Variants in MYO7A observed in about 807,000 individuals in gnomAD.
MYO7A encodes myosin VIIA, also known as unconventional myosin-VIIa.
In MYO7A, 210 loss-of-function variants were observed where a neutral mutation model predicts 263.8. The ratio of observed to expected loss-of-function variants is 0.80; its 90% confidence interval spans 0.71 to 0.89. MYO7A has a LOEUF of 0.89. Ranked by LOEUF, MYO7A falls within the 40% of genes least tolerant of loss-of-function variation. The pLI is 0.00. For missense variants in MYO7A, 2,820 were observed against 2,968.3 expected (o/e 0.95, Z 1.16); for synonymous variants, 1,239 against 1,197.3 (o/e 1.03, Z -0.72).
chr11:77,202,967 G>GGGAT (rs1473692618), intron 37 of MYO7A, 93 bp from the exon 38 acceptor site: 1 of 1,462,834 alleles, frequency 6.8e-7, no homozygotes, highest in Admixed American at 2.0e-5. Context: ...TCTGGACACA[G>GGGAT]GGATGGGTGG....
At position 77,203,058 on chromosome 11, in the gene MYO7A, A is replaced by G. The variant is rs2135712224; in HGVS notation, c.5169-2A>G. 1 of 1,547,826 alleles carries G rather than the reference A, an allele frequency of 6.5e-7. No individual in the cohort carries two copies. The highest frequency in any genetic ancestry group is 8.7e-7 in the Non-Finnish European group (1 of 1,146,558). ...TTGCTGACGGTCCCTGTGCTGCGGC[A>G]GGCCCCCACCCAAGCACACGCTGAG... On this transcript the variant is annotated splice_acceptor_variant, in intron 37 of 48. Transcript: ENST00000409709. LOFTEE classifies it high-confidence loss of function.
chr11:77,180,419 G>A lies in MYO7A; in HGVS notation c.2632G>A (p.Glu878Lys). 1 of 1,612,282 alleles carries A rather than the reference G, an allele frequency of 6.2e-7. No individual in the cohort carries two copies. Among genetic ancestry groups the A allele is most frequent in the Non-Finnish European group, 8.5e-7 (1 of 1,179,730 alleles). Reference sequence around the variant, plus strand: ...TGAGAAAATGCGGCTGGCGGAGGAAGAGAAGCTTCGGAAGGAGATGAGCGC... The same window carrying A: ...TGAGAAAATGCGGCTGGCGGAGGAAAAGAAGCTTCGGAAGGAGATGAGCGC... Reference protein sequence around the residue: ...EAEKMRLAEEEKLRKEMSAKK... With the variant: ...EAEKMRLAEEKKLRKEMSAKK... Residue 878 changes from glutamate to lysine, a missense_variant, in exon 22 of 49, where the codon GAG (glutamate) becomes AAG (lysine). By Grantham distance (56) the Glu-to-Lys change is moderately conservative (BLOSUM62 1). Coordinates refer to ENST00000409709, the MANE Select transcript of MYO7A (RefSeq NM_000260.4).
At chr11:77,151,946 C>T (rs1952006541) in intron 4 of MYO7A, among the ~76,000 whole-genome samples, 1 of 152,168 alleles carries the variant, frequency 6.6e-6, no homozygotes, top group African/African-American at 2.4e-5. Context: ...GTTCACCCTA[C>T]CCCCCACACA....
intron 16 of MYO7A, among the ~76,000 whole-genome samples, chr11:77,173,194 G>A (rs1954292621): frequency 6.6e-6 from 1 of 152,230 alleles, no homozygotes; most frequent in Admixed American, 6.5e-5. Flanking sequence ...AAACGGGACT[G>A]ACCGTATCTA....
At chr11:77,195,672 T>G (rs1408304798) in intron 32 of MYO7A, among the ~76,000 whole-genome samples, 1 of 152,128 alleles carries the variant, frequency 6.6e-6, no homozygotes, top group Non-Finnish European at 1.5e-5. Flanking sequence ...CTGAGCTGGG[T>G]CTCTCCTGGA....
At chr11:77,201,222 C>T (rs1014990946) in intron 35 of MYO7A, among the ~76,000 whole-genome samples, 4 of 152,158 alleles carry the variant, frequency 2.6e-5, no homozygotes, top group African/African-American at 4.8e-5. Context: ...CACAACAGGC[C>T]CAGGAGTGTG....
At chr11:77,181,779 G>GTTTTTTTTTTTTTTTTTTTTT (rs782689084) in intron 23 of MYO7A, among the ~76,000 whole-genome samples, 172 bp from the exon 24 acceptor site, 2 of 90,052 alleles carry the variant, frequency 2.2e-5, no homozygotes, top group Non-Finnish European at 4.7e-5. Flanking sequence ...TTTTTTTTTT[G>GTTTTTTTTTTTTTTTTTTTTT]TTTTTTTTTT....
rs1335412177 is a variant in MYO7A, at chr11:77,211,256, C to T, written c.6156C>T (p.Tyr2052=). 2.5e-6 allele frequency: 4 copies of T among 1,581,940 alleles called. No individual in the cohort carries two copies. The highest frequency in any genetic ancestry group is 2.3e-5 in the East Asian group (1 of 43,090). Reference sequence around the variant, plus strand: ...TCAAGTTCGAGGAGGACAAGTCCTACTTCCCCAGCATCCCCAAGCTGCTGC... The same window carrying T: ...TCAAGTTCGAGGAGGACAAGTCCTATTTCCCCAGCATCCCCAAGCTGCTGC... ...YRVKFEEDKS[Y]FPSIPKLLRE... is the part of the protein sequence containing the mutation. Residue 2052 remains tyrosine (Y), a synonymous_variant, in exon 45 of 49, where the codon TAC becomes TAT. Coordinates refer to ENST00000409709, the MANE Select transcript of MYO7A (RefSeq NM_000260.4).
rs1226924611 is a variant in MYO7A, at chr11:77,207,284, C to G, written c.5743-5C>G. On this transcript the variant is annotated splice_polypyrimidine_tract_variant and splice_region_variant and intron_variant, in intron 41 of 48. Transcript: ENST00000409709. Reference sequence around the variant, plus strand: ...CAGGAGCCCAGTGCTCACTGCCCCTCCCAGGCCTTCGAAGTGGAGTCCAGC... The same window carrying G: ...CAGGAGCCCAGTGCTCACTGCCCCTGCCAGGCCTTCGAAGTGGAGTCCAGC... 6.2e-7 allele frequency: 1 copy of G among 1,604,694 alleles called. No individual in the cohort carries two copies. The highest frequency in any genetic ancestry group is 1.7e-5 in the Admixed American group (1 of 59,106).
At chr11:77,137,536 G>T (rs940330642) in intron 2 of MYO7A, among the ~76,000 whole-genome samples, 25 of 152,208 alleles carry the variant, frequency 1.6e-4, no homozygotes, top group Admixed American at 1.2e-3. Context: ...GAATGGGAGA[G>T]GAGTCACAGG....
chr11:77,172,961 G>A, intron 16 of MYO7A, 76 bp downstream of exon 16: 1 of 1,481,730 alleles, frequency 6.7e-7, no homozygotes, highest in Non-Finnish European at 9.1e-7. Flanking sequence ...ATAAGGTAGG[G>A]TGGGAGTGAA....
At chr11:77,190,986 C>T in intron 30 of MYO7A, 116 bp downstream of exon 30, 1 of 1,197,964 alleles carries the variant, frequency 8.3e-7, no homozygotes, top group Non-Finnish European at 1.1e-6. Flanking sequence ...CTCGGTTTCC[C>T]CCTGAGCCTG....
intron 2 of MYO7A, among the ~76,000 whole-genome samples, chr11:77,131,376 G>A (rs1950761287): frequency 6.6e-6 from 1 of 152,358 alleles, no homozygotes; most frequent in Non-Finnish European, 1.5e-5. Context: ...GCCACCCTGA[G>A]GCTGCACGGA....
chr11:77,208,712 T>C lies in MYO7A; in HGVS notation c.5960T>C (p.Leu1987Pro). 6.3e-7 allele frequency: 1 copy of C among 1,585,664 alleles called. No individual in the cohort carries two copies. ...TGTGCTGCAGGAATTGTGCCCTCAC[T>C]CACCTACCAGGTGTTCTTCATGAAG... The part of the protein sequence containing the change: ...RPIKDGIVPS[L>P]TYQVFFMKKL... Residue 1987 changes from leucine to proline, a missense_variant, in exon 44 of 49, where the codon CTC becomes CCC. Coordinates refer to ENST00000409709, the MANE Select transcript of MYO7A (RefSeq NM_000260.4).
Position 77,180,539 on chromosome 11 carries a change from G to A in MYO7A, c.2694+58G>A, listed in dbSNP as rs1109163. ...CCACTTGCTGGCTTGTCCCCTCCCC[G>A]AGGCTGGCTTCTCATCTGTCACCCG... On this transcript the variant is annotated intron_variant, in intron 22 of 48. Transcript: ENST00000409709. 0.55 allele frequency: 804,243 copies of A among 1,469,702 alleles called. 222,994 individuals carry two copies. The highest frequency in any genetic ancestry group is 0.64 in the Admixed American group (33,949 of 52,870). 91.0% of individuals were successfully genotyped at this position (1,469,702 alleles called of 1,614,324 possible).
intron 7 of MYO7A, 43 bp downstream of exon 7, chr11:77,157,047 T>C: frequency 2.5e-6 from 4 of 1,597,664 alleles, no homozygotes; most frequent in Non-Finnish European, 3.4e-6. Context: ...CCCAGGCCCC[T>C]GGCCTCAGGG....
chr11:77,160,173 C>A lies in MYO7A; in HGVS notation c.1091C>A (p.Pro364Gln), dbSNP rs782441745. 92 of 1,561,964 alleles carry A rather than the reference C, an allele frequency of 5.9e-5. No homozygotes were observed. The highest frequency in any genetic ancestry group is 7.5e-5 in the Non-Finnish European group (86 of 1,154,018). The change falls in exon 11 of 49, where the codon CCA (proline) becomes CAA (glutamine). Residue 364 changes from proline (P) to glutamine (Q), a missense_variant. Coordinates refer to ENST00000409709, the MANE Select transcript of MYO7A (RefSeq NM_000260.4). ...TAASLLEVNP[P>Q]DLMSCLTSRT... Reference sequence around the variant, plus strand: ...TGTTGCCTGTACCAGGTGAACCCCCCAGACCTGATGAGCTGCCTGACTAGC... The same window carrying A: ...TGTTGCCTGTACCAGGTGAACCCCCAAGACCTGATGAGCTGCCTGACTAGC...
At chr11:77,155,523 C>T (rs528725563) in intron 4 of MYO7A, among the ~76,000 whole-genome samples, 22 of 152,356 alleles carry the variant, frequency 1.4e-4, no homozygotes, top group African/African-American at 5.3e-4. Flanking sequence ...GTTTGGGATA[C>T]AGGGCCTGGA....
chr11:77,204,220 AC>A lies in MYO7A; in HGVS notation c.5473del (p.His1825ThrfsTer54). On this transcript the variant is annotated frameshift_variant, in exon 39 of 49. Coordinates refer to ENST00000409709, the MANE Select transcript of MYO7A (RefSeq NM_000260.4). LOFTEE classifies it high-confidence loss of function. ...YVQILKQLTD[N>X]HIRYSEERGW... ...CAGATCCTGAAGCAGCTGACCGACA[AC>A]CACATCAGGTGAGCCAGGCACAGTG... 6.4e-7 allele frequency: 1 copy of A among 1,573,946 alleles called. No homozygotes were observed. The highest frequency in any genetic ancestry group is 8.6e-7 in the Non-Finnish European group (1 of 1,160,020).
Sources: gnomAD v4.1 joint callset for allele counts (sites outside exome capture counted in the v4.1 genomes callset) on GRCh38, gnomAD v4.1.1 for gene constraint, MANE v1.5 for transcripts, NCBI Gene and HGNC (gene_info 2026-07-23, HGNC 2026-07-21) for gene names.